WDFY4: variants seen among roughly 807,000 people sequenced by gnomAD.
WDFY4 encodes the protein WDFY family member 4.
A neutral mutation model predicts 351.9 loss-of-function variants in WDFY4; 169 were observed. The observed-to-expected ratio is 0.48, with a 90% CI of 0.42 to 0.55. WDFY4 has a LOEUF of 0.55. Ranked by LOEUF, WDFY4 falls within the 20% of genes least tolerant of loss-of-function variation. The pLI is 0.00. For missense variants in WDFY4, 3,803 were observed against 3,935.6 expected (o/e 0.97, Z 0.90); for synonymous variants, 1,622 against 1,574.6 (o/e 1.03, Z -0.71).
intron 47 of WDFY4, among the ~76,000 whole-genome samples, chr10:48,924,631 A>G (rs992834384): frequency 6.6e-6 from 1 of 152,156 alleles, no homozygotes; most frequent in South Asian, 2.1e-4. Context: ...ATTTTTTTTT[A>G]TACTTTGGAA....
intron 20 of WDFY4, among the ~76,000 whole-genome samples, chr10:48,787,992 C>CCTTCTCCTT (rs2066544838): frequency 3.6e-5 from 4 of 111,110 alleles, no homozygotes; most frequent in Non-Finnish European, 5.3e-5. Context: ...TTCTCCTTCT[C>CCTTCTCCTT]CTTCTCCTTC....
chr10:48,974,006 C>T (rs756798870), intron 57 of WDFY4, among the ~76,000 whole-genome samples: 7 of 152,170 alleles, frequency 4.6e-5, no homozygotes, highest in South Asian at 4.1e-4. Context: ...GTTCCCTTAC[C>T]GAGATGGCTC....
In WDFY4 at chr10:48,852,324, G is replaced by A. The variant is rs116963240; in HGVS notation, c.6664-14941G>A. On this transcript the variant is annotated intron_variant, in intron 39 of 61. Transcript: ENST00000325239. Reference sequence around the variant, plus strand: ...ATTGACAGTCACTTATCCTCACTTGGCCTCGATATCTTCTCCTGTAAAATG... The same window carrying A: ...ATTGACAGTCACTTATCCTCACTTGACCTCGATATCTTCTCCTGTAAAATG... Among the ~76,000 whole-genome samples the A allele has an allele frequency of 6.8e-3, 1,038 of 152,272 alleles. 6 individuals are homozygous for A. Among genetic ancestry groups the A allele is most frequent in the Non-Finnish European group, 0.012 (807 of 68,024 alleles).
chr10:48,969,158 C>G lies in WDFY4; in HGVS notation c.8679C>G (p.Asn2893Lys). The change falls in exon 56 of 62, where the codon AAC becomes AAG. Residue 2893 changes from asparagine to lysine, a missense_variant. By Grantham distance (94) the Asn-to-Lys change is moderately conservative (BLOSUM62 0). Around this residue, in one of 3 missense-constraint regions of WDFY4, gnomAD observed 3,054 missense variants for 3,148.6 expected, o/e 0.97. Coordinates refer to ENST00000325239, the MANE Select transcript of WDFY4 (RefSeq NM_001394531.1). ...TEKTILAVER[N>K]KVLLPPLWNR... ...AGACCATTCTGGCTGTAGAGAGGAA[C>G]AAAGTGCTGCTGCCTCCTCTCTGGA... 1.3e-6 allele frequency: 2 copies of G among 1,551,734 alleles called. No individual in the cohort carries two copies. The highest frequency in any genetic ancestry group is 1.7e-6 in the Non-Finnish European group (2 of 1,146,974).
intron 17 of WDFY4, among the ~76,000 whole-genome samples, chr10:48,778,195 G>A (rs901833090): frequency 1.3e-5 from 2 of 152,238 alleles, no homozygotes; most frequent in African/African-American, 4.8e-5. Flanking sequence ...TTCCATGTGA[G>A]TTGGCACCAA....
rs1234941473 is a variant in WDFY4 at position 48,796,429 on chromosome 10, G to T, written c.4389G>T (p.Gln1463His). 2 of 1,551,550 alleles carry T rather than the reference G, an allele frequency of 1.3e-6. No individual in the cohort carries two copies. Among genetic ancestry groups the T allele is most frequent in the African/African-American group, 2.7e-5 (2 of 73,056 alleles). The stretch of plus-strand genomic sequence containing the variant: ...CTATCACCAACACTGGTGTCTTCCA[G>T]CACATCCTCTGCAATTTCGAGGTAA... Reference protein sequence around the residue: ...SSAITNTGVFQHILCNFELWM... With the variant: ...SSAITNTGVFHHILCNFELWM... The change falls in exon 24 of 62, where the codon CAG becomes CAT. Residue 1463 changes from glutamine (Q) to histidine (H), a missense_variant. Gln to His is a conservative substitution (Grantham distance 24, BLOSUM62 0). Around this residue, in one of 3 missense-constraint regions of WDFY4, gnomAD observed 3,054 missense variants for 3,148.6 expected, o/e 0.97. Coordinates refer to ENST00000325239, the MANE Select transcript of WDFY4 (RefSeq NM_001394531.1).
At chr10:48,829,527 C>G (rs535892594) in intron 37 of WDFY4, among the ~76,000 whole-genome samples, 1 of 152,160 alleles carries the variant, frequency 6.6e-6, no homozygotes, top group Admixed American at 6.5e-5. Context: ...CAGACTGTTA[C>G]ACTTACCTAG....
At chr10:48,738,976 T>A (rs190293039) in intron 11 of WDFY4, among the ~76,000 whole-genome samples, 56 of 152,336 alleles carry the variant, frequency 3.7e-4, no homozygotes, top group Non-Finnish European at 3.1e-4. Context: ...CTGAAGAACA[T>A]GTGACTTCAC....
chr10:48,879,339 G>A (rs117407785), intron 43 of WDFY4, among the ~76,000 whole-genome samples: 111 of 152,302 alleles, frequency 7.3e-4, no homozygotes, highest in Non-Finnish European at 1.3e-3. Context: ...GGCACCCTAC[G>A]TTGTCTATGG....
chr10:48,799,338 CAAAAAGGGAAA>C (rs1221995268), intron 24 of WDFY4, among the ~76,000 whole-genome samples: 2,590 of 152,202 alleles, frequency 0.017, 82 homozygotes, highest in African/African-American at 0.06. Context: ...GAGAGAATTT[CAAAAAGGGAAA>C]AATGTTTCCC....
At chr10:48,900,870 A>G (rs1376394388) in intron 46 of WDFY4, among the ~76,000 whole-genome samples, 5 of 152,230 alleles carry the variant, frequency 3.3e-5, no homozygotes, top group African/African-American at 1.2e-4. Context: ...TTAAAGTTAT[A>G]GATCAGTAGA....
chr10:48,685,214 A>T (rs2063009149), intron 1 of WDFY4, among the ~76,000 whole-genome samples: 1 of 152,076 alleles, frequency 6.6e-6, no homozygotes, highest in Non-Finnish European at 1.5e-5. Flanking sequence ...GGTCAGGGCC[A>T]CTCCAGGGCC....
At chr10:48,966,124 G>A (rs1466854372) in intron 54 of WDFY4, among the ~76,000 whole-genome samples, 3 of 152,180 alleles carry the variant, frequency 2.0e-5, no homozygotes, top group Non-Finnish European at 2.9e-5. Flanking sequence ...GTGAGGGAAG[G>A]ATGAAAACTA....
intron 54 of WDFY4, 97 bp from the exon 55 acceptor site, chr10:48,966,429 C>A: frequency 7.4e-7 from 1 of 1,355,026 alleles, no homozygotes; most frequent in Non-Finnish European, 9.9e-7. Flanking sequence ...CGAGCTGTGG[C>A]AACCCCCAGA....
At chr10:48,700,314 G>A (rs1048898746) in intron 1 of WDFY4, among the ~76,000 whole-genome samples, 3 of 152,140 alleles carry the variant, frequency 2.0e-5, no homozygotes, top group Non-Finnish European at 4.4e-5. Context: ...ACTGTGCTTT[G>A]GGGGCCCTTT....
chr10:48,758,688 C>T (rs549255439), intron 12 of WDFY4, among the ~76,000 whole-genome samples: 1 of 152,254 alleles, frequency 6.6e-6, no homozygotes, highest in East Asian at 1.9e-4. Flanking sequence ...TCTCATTCTC[C>T]TATTGTTCTC....
At chr10:48,871,650 A>AT (rs561620540) in intron 40 of WDFY4, among the ~76,000 whole-genome samples, 3 of 151,772 alleles carry the variant, frequency 2.0e-5, no homozygotes, top group African/African-American at 7.3e-5. Flanking sequence ...TATTTCTTTA[A>AT]TTTTTTTGTA....
chr10:48,969,105 G>T lies in WDFY4; in HGVS notation c.8626G>T (p.Ala2876Ser), dbSNP rs1590016948. ...TCTAGGCTCAGAGTCCCCCAAAGGG[G>T]CCATTGGCCACATTGTCTCTACTGA... ...FSLGSESPKG[A>S]IGHIVSTEKT... The change falls in exon 56 of 62, where the codon GCC (alanine) becomes TCC (serine). Residue 2876 changes from alanine (A) to serine (S), a missense_variant. Around this residue, in one of 3 missense-constraint regions of WDFY4, gnomAD observed 3,054 missense variants for 3,148.6 expected, o/e 0.97. Transcript: ENST00000325239. 1.3e-6 allele frequency: 2 copies of T among 1,551,748 alleles called. No individual in the cohort carries two copies. Among genetic ancestry groups the T allele is most frequent in the Admixed American group, 3.9e-5 (2 of 51,000 alleles).
chr10:48,832,639 G>A lies in WDFY4; in HGVS notation c.6593G>A (p.Ser2198Asn). ...VAHHSKVTLW[S>N]GSLSSAMKLM... is the part of the protein sequence containing the mutation. ...CACCACAGCAAAGTCACTTTGTGGA[G>A]TGGAAGCCTGTCCTCAGCCATGAAG... The change falls in exon 39 of 62, where the codon AGT (serine) becomes AAT (asparagine). Residue 2198 changes from serine (S) to asparagine (N), a missense_variant. This residue lies in a region of WDFY4 where 3,054 missense variants were observed against 3,148.6 expected (regional missense o/e 0.97). Coordinates refer to ENST00000325239, the MANE Select transcript of WDFY4 (RefSeq NM_001394531.1). 3 of 1,551,314 alleles carry A rather than the reference G, an allele frequency of 1.9e-6. No homozygotes were observed. The highest frequency in any genetic ancestry group is 1.7e-6 in the Non-Finnish European group (2 of 1,146,740).
Sources: gnomAD v4.1 joint callset for allele counts (sites outside exome capture counted in the v4.1 genomes callset) on GRCh38, gnomAD v4.1.1 for gene constraint, gnomAD v4.1.1 regional missense constraint, MANE v1.5 for transcripts, NCBI Gene and HGNC (gene_info 2026-07-23, HGNC 2026-07-21) for gene names.